AKNAD1: variants seen among roughly 807,000 people sequenced by gnomAD.
AKNAD1 encodes AKNA domain containing 1.
Under a neutral mutation model 90.8 loss-of-function variants are expected in AKNAD1, and 67 were observed. The ratio of observed to expected loss-of-function variants is 0.74; its 90% CI spans 0.61 to 0.90. The LOEUF (loss-of-function observed/expected upper bound fraction) is 0.90, where lower values mean the gene tolerates loss of function less well. Among genes scored for constraint, AKNAD1 ranks in the 40% least tolerant of loss-of-function variants. The probability of loss-of-function intolerance (pLI) is 0.00; values close to 1 mark genes in which losing one functional copy is unlikely to be tolerated. For synonymous variants in AKNAD1, 327 were observed against 341.4 expected (o/e 0.96, Z 0.46); for missense variants, 957 against 975.4 (o/e 0.98, Z 0.25).
rs1232268242 is a variant in AKNAD1, at chr1:108,851,860, T to A, written c.805A>T (p.Lys269Ter). The A allele has an allele frequency of 2.5e-6, 4 of 1,613,698 alleles. No individual in the cohort carries two copies. The South Asian group carries it at 4.4e-5, about 18-fold the overall frequency. ...PDFSKIAPKV[K>*]IPKNKIINKP... The stretch of plus-strand genomic sequence containing the variant: ...TTAATTATCTTATTTTTAGGAATTT[T>A]CACTTTGGGAGCAATCTTAGAGAAA... Residue 269 changes from lysine (K) to a stop codon, truncating the protein, a stop_gained, in exon 2 of 16, where the codon AAA becomes TAA. Coordinates refer to ENST00000370001, the MANE Select transcript of AKNAD1 (RefSeq NM_152763.5). LOFTEE classifies it high-confidence loss of function.
At chr1:108,827,900 T>G (rs952201535) in intron 10 of AKNAD1, among the ~76,000 whole-genome samples, 1 of 151,428 alleles carries the variant, frequency 6.6e-6, no homozygotes, top group East Asian at 2.0e-4. Context: ...CACATACACA[T>G]TCACAAAACA....
intron 5 of AKNAD1, among the ~76,000 whole-genome samples, chr1:108,846,415 C>A (rs1430332702): frequency 6.6e-6 from 1 of 152,176 alleles, no homozygotes; most frequent in East Asian, 1.9e-4. Context: ...TCTTCCAATT[C>A]CTGAAATCCT....
intron 8 of AKNAD1, 100 bp from the exon 9 acceptor site, chr1:108,834,628 G>T: frequency 1.6e-6 from 2 of 1,245,602 alleles, no homozygotes; most frequent in Non-Finnish European, 2.2e-6. Context: ...CCCCTGGGAT[G>T]GTGGGAGCGA....
intron 15 of AKNAD1, chr1:108,816,816 C>T (rs1663626187): frequency 2.2e-6 from 1 of 452,614 alleles, no homozygotes; most frequent in Non-Finnish European, 3.9e-6. Context: ...TGAGGCACCA[C>T]CCACAAATCA....
chr1:108,822,907 A>T, intron 13 of AKNAD1: 1 of 368,660 alleles, frequency 2.7e-6, no homozygotes, highest in Non-Finnish European at 4.9e-6. Context: ...TAGGGTTTTA[A>T]TTTTTTTTCA....
In AKNAD1 at chr1:108,852,317, A is replaced by G. The variant is rs1407147629; in HGVS notation, c.348T>C (p.His116=). The change falls in exon 2 of 16, where the codon CAT becomes CAC. Residue 116 remains histidine (H), a synonymous_variant. Transcript: ENST00000370001. ...KSSISDILLH[H]LSKEPFLRGQ... is the part of the protein sequence containing the mutation. ...CTCTTAAGAATGGCTCTTTGGAAAG[A>G]TGATGAAGTAAAATATCAGAAATGC... 6.2e-7 allele frequency: 1 copy of G among 1,614,204 alleles called. No homozygotes were observed. The highest frequency in any genetic ancestry group is 1.7e-5 in the Admixed American group (1 of 60,026).
chr1:108,827,120 G>T, intron 11 of AKNAD1, 85 bp downstream of exon 11: 2 of 924,094 alleles, frequency 2.2e-6, no homozygotes, highest in Non-Finnish European at 3.5e-6. Context: ...TGGAGTGGCA[G>T]ATGGCAAGCT....
At chr1:108,829,517 C>CA (rs1428677813) in intron 10 of AKNAD1, among the ~76,000 whole-genome samples, 74 of 152,320 alleles carry the variant, frequency 4.9e-4, no homozygotes, top group African/African-American at 1.7e-3. Context: ...GAGTAAGCTT[C>CA]ATGAGTGCCC....
intron 10 of AKNAD1, among the ~76,000 whole-genome samples, chr1:108,827,525 A>T (rs554573898): frequency 6.6e-6 from 1 of 151,642 alleles, no homozygotes; most frequent in Admixed American, 6.6e-5. Context: ...GAAAATGTAT[A>T]CAAGACAGGC....
chr1:108,854,017 C>G (rs1664959614), intron 1 of AKNAD1, among the ~76,000 whole-genome samples: 1 of 152,132 alleles, frequency 6.6e-6, no homozygotes, highest in Non-Finnish European at 1.5e-5. Context: ...CCAAATGTCC[C>G]TTTTCTAATT....
At chr1:108,831,835 G>A (rs1242451503) in intron 9 of AKNAD1, among the ~76,000 whole-genome samples, 3 of 151,852 alleles carry the variant, frequency 2.0e-5, no homozygotes, top group African/African-American at 4.8e-5. Context: ...CATGTTGGCC[G>A]GGCTGGTCTT....
At chr1:108,831,758 C>G (rs544073585) in intron 9 of AKNAD1, among the ~76,000 whole-genome samples, 14 of 151,794 alleles carry the variant, frequency 9.2e-5, no homozygotes, top group Non-Finnish European at 2.1e-4. Flanking sequence ...CCCCAAGTAG[C>G]TGGGATTACA....
At chr1:108,834,322 T>C (rs1664305480) in intron 9 of AKNAD1, 125 bp downstream of exon 9, 1 of 750,766 alleles carries the variant, frequency 1.3e-6, no homozygotes, top group South Asian at 1.8e-5. Context: ...ACACCCAGGA[T>C]GCCATTAGGA....
intron 7 of AKNAD1, chr1:108,837,142 A>G (rs1184269455): frequency 6.4e-6 from 1 of 155,294 alleles, no homozygotes; most frequent in Non-Finnish European, 1.4e-5. Flanking sequence ...CTGAGGGAGG[A>G]GAATCACTTG....
rs1234183463 is a variant in AKNAD1, at chr1:108,851,984, A to C, written c.681T>G (p.Ser227Arg). 6.2e-7 allele frequency: 1 copy of C among 1,614,120 alleles called. No individual in the cohort carries two copies. The highest frequency in any genetic ancestry group is 8.5e-7 in the Non-Finnish European group (1 of 1,180,018). Reference sequence around the variant, plus strand: ...GTTTCTGGGGTGACTGCCCTTGATAACTTTTTTGTTTATCACCTGGACCCT... The same window carrying C: ...GTTTCTGGGGTGACTGCCCTTGATACCTTTTTTGTTTATCACCTGGACCCT... ...KTKGPGDKQKSYQGQSPQKQQ... is the reference protein window; with the variant it reads ...KTKGPGDKQKRYQGQSPQKQQ... The change falls in exon 2 of 16, where the codon AGT (serine) becomes AGG (arginine). Residue 227 changes from serine (S) to arginine (R), a missense_variant. Coordinates refer to ENST00000370001, the MANE Select transcript of AKNAD1 (RefSeq NM_152763.5).
At chr1:108,819,003 C>T (rs1202299277) in intron 14 of AKNAD1, among the ~76,000 whole-genome samples, 1 of 149,442 alleles carries the variant, frequency 6.7e-6, no homozygotes, top group East Asian at 2.0e-4. Context: ...CCAAAGGTCA[C>T]GTTCTTAAAC....
intron 15 of AKNAD1, 98 bp from the exon 16 acceptor site, chr1:108,816,400 G>T: frequency 7.5e-7 from 1 of 1,331,300 alleles, no homozygotes. Flanking sequence ...GTGGAATTTG[G>T]GGAGTATTCC....
At chr1:108,857,306 C>G (rs1006361448), upstream of AKNAD1, 1 of 152,850 alleles carries the variant, frequency 6.5e-6, no homozygotes, top group African/African-American at 2.4e-5. Flanking sequence ...GTGTGATTTA[C>G]TTTATTATGA....
At chr1:108,817,649 C>G (rs1663661247) in intron 14 of AKNAD1, among the ~76,000 whole-genome samples, 1 of 151,048 alleles carries the variant, frequency 6.6e-6, no homozygotes, top group Non-Finnish European at 1.5e-5. Flanking sequence ...CTACAGGCGC[C>G]CGCCACCACG....
Sources: allele counts gnomAD v4.1 joint callset (sites outside exome capture counted in the v4.1 genomes callset), GRCh38; gene constraint gnomAD v4.1.1; transcripts MANE v1.5; gene names NCBI Gene and HGNC (gene_info 2026-07-23, HGNC 2026-07-21).